The following GCNT2 variants were observed in gnomAD, a reference collection of about 807,000 sequenced individuals.
GCNT2 encodes the protein glucosaminyl (N-acetyl) transferase 2 (I blood group), also known as N-acetyllactosaminide beta-1,6-N-acetylglucosaminyl-transferase.
Under a neutral mutation model 34.2 loss-of-function variants are expected in GCNT2, and 34 were observed. The observed-to-expected ratio is 1.00, with a 90% CI of 0.76 to 1.32. The LOEUF is 1.32. Ranked by LOEUF, GCNT2 falls within the 40% of genes most tolerant of loss-of-function variation. GCNT2 has a pLI of 0.00. For synonymous variants in GCNT2, 212 were observed against 188.0 expected (o/e 1.13, Z -1.04); for missense variants, 584 against 489.4 (o/e 1.19, Z -1.82).
intron 3 of GCNT2, among the ~76,000 whole-genome samples, chr6:10,578,217 C>T (rs1197325163): frequency 6.6e-6 from 1 of 151,570 alleles, no homozygotes; most frequent in Non-Finnish European, 1.5e-5. Context: ...GTAGTGAAAC[C>T]CCGTGTCTAA....
intron 3 of GCNT2, chr6:10,586,335 G>A (rs1202158598): frequency 1.9e-6 from 3 of 1,614,020 alleles, no homozygotes; most frequent in Middle Eastern, 1.6e-4. Context: ...GCTCTTTAGG[G>A]CTATCTATAT....
chr6:10,562,446 G>A (rs950077446), intron 3 of GCNT2, among the ~76,000 whole-genome samples: 6 of 151,934 alleles, frequency 3.9e-5, no homozygotes, highest in African/African-American at 1.2e-4. Context: ...GGTTGGGCAC[G>A]GTGGCTCACA....
At chr6:10,540,775 G>C (rs1762005623) in intron 3 of GCNT2, among the ~76,000 whole-genome samples, 1 of 152,124 alleles carries the variant, frequency 6.6e-6, no homozygotes, top group Admixed American at 6.5e-5. Context: ...TTCAATTCTA[G>C]CTCAGCTTTT....
At chr6:10,532,888 T>C (rs1276355206) in intron 3 of GCNT2, among the ~76,000 whole-genome samples, 1 of 151,452 alleles carries the variant, frequency 6.6e-6, no homozygotes, top group African/African-American at 2.4e-5. Flanking sequence ...GTCCTTCTGG[T>C]TGATGTGTAT....
At chr6:10,567,749 ACT>A (rs1213813807) in intron 3 of GCNT2, among the ~76,000 whole-genome samples, 1 of 152,184 alleles carries the variant, frequency 6.6e-6, no homozygotes, top group Non-Finnish European at 1.5e-5. Flanking sequence ...GGAAGTTGTT[ACT>A]GAGAAAGGCA....
At chr6:10,528,371 G>GT (rs1407745938) in intron 2 of GCNT2, 3 of 172,864 alleles carry the variant, frequency 1.7e-5, no homozygotes, top group African/African-American at 7.2e-5. Context: ...TCTCCAGGCA[G>GT]TATTCACATG....
chr6:10,524,128 G>A (rs1273259861), intron 1 of GCNT2, among the ~76,000 whole-genome samples: 2 of 151,938 alleles, frequency 1.3e-5, no homozygotes, highest in African/African-American at 4.8e-5. Flanking sequence ...ACAAACGGGT[G>A]TTGTTTTCTC....
chr6:10,588,831 ATGTGTGTGGTG>A (rs558061009), intron 3 of GCNT2, among the ~76,000 whole-genome samples: 1,195 of 109,324 alleles, frequency 0.011, 18 homozygotes, highest in African/African-American at 0.038. Flanking sequence ...TTTGCAGTGT[ATGTGTGTGGTG>A]TGTGTGTGGT....
intron 3 of GCNT2, among the ~76,000 whole-genome samples, chr6:10,606,487 CACA>C (rs143538786): frequency 0.1 from 15,303 of 151,904 alleles, 1,279 homozygotes; most frequent in African/African-American, 0.23. Context: ...TGCAGCCTGC[CACA>C]ACAAATCAAA....
At position 10,529,312 on chromosome 6, in the gene GCNT2, A is replaced by T; in HGVS notation, c.401A>T (p.Asp134Val). ...GTGCACCTGGATCAGAAGGCGACGG[A>T]TGCCTTTAAAGGTGCAGTGAAACAG... is the stretch of plus-strand genomic sequence containing the variant. ...YCVHLDQKAT[D>V]AFKGAVKQLL... The change falls in exon 3 of 5, where the codon GAT becomes GTT. Residue 134 changes from aspartate (D) to valine (V), a missense_variant. Asp to Val is a radical substitution (Grantham distance 152). Transcript: ENST00000495262. 1 of 1,614,170 alleles carries T rather than the reference A, an allele frequency of 6.2e-7. No homozygotes were observed. The highest frequency in any genetic ancestry group is 1.1e-5 in the South Asian group (1 of 91,080).
chr6:10,625,277 C>A (rs995834559), intron 4 of GCNT2, among the ~76,000 whole-genome samples: 3 of 152,168 alleles, frequency 2.0e-5, no homozygotes, highest in African/African-American at 4.8e-5. Context: ...CAAAATTAAT[C>A]TTGCTAAAAT....
intron 3 of GCNT2, chr6:10,586,800 A>G (rs1764371467): frequency 6.2e-7 from 1 of 1,613,792 alleles, no homozygotes; most frequent in African/African-American, 1.3e-5. Context: ...GGCGCTTACC[A>G]GAGACTTTGT....
At chr6:10,590,934 A>G (rs1764613739) in intron 3 of GCNT2, among the ~76,000 whole-genome samples, 1 of 152,046 alleles carries the variant, frequency 6.6e-6, no homozygotes, top group African/African-American at 2.4e-5. Context: ...CTTCCTGTCT[A>G]ACTCTTCATC....
intron 3 of GCNT2, among the ~76,000 whole-genome samples, chr6:10,539,957 A>G (rs1761962536): frequency 6.6e-6 from 1 of 152,196 alleles, no homozygotes; most frequent in South Asian, 2.1e-4. Context: ...GCGTGCCGGT[A>G]GTCCCAGCTA....
At chr6:10,566,772 T>C (rs1460297404) in intron 3 of GCNT2, among the ~76,000 whole-genome samples, 1 of 152,240 alleles carries the variant, frequency 6.6e-6, no homozygotes, top group East Asian at 1.9e-4. Context: ...CTTAATTAAA[T>C]GCATGCACAC....
intron 3 of GCNT2, chr6:10,530,065 T>C: frequency 2.0e-6 from 1 of 507,602 alleles, no homozygotes. Flanking sequence ...ACACTGGCCA[T>C]ATAAATAAAA....
At chr6:10,586,256 G>A (rs369674837) in intron 3 of GCNT2, 156 of 1,614,038 alleles carry the variant, frequency 9.7e-5, no homozygotes, top group Non-Finnish European at 1.3e-4. Flanking sequence ...GTCCCCTGTC[G>A]GAAGAAGAGG....
intron 3 of GCNT2, among the ~76,000 whole-genome samples, chr6:10,617,320 C>G (rs1765819894): frequency 6.6e-6 from 1 of 152,314 alleles, no homozygotes; most frequent in Middle Eastern, 3.4e-3. Context: ...GTGCTGGGCG[C>G]CCCCAGCCCA....
At position 10,582,427 on chromosome 6, in the gene GCNT2, TA is replaced by T. The variant is rs1377017159; in HGVS notation, c.926-38923del. Among the ~76,000 whole-genome samples the T allele has an allele frequency of 2.7e-4, 34 of 126,298 alleles. 1 individual carries two copies. Among genetic ancestry groups the T allele is most frequent in the African/African-American group, 1.0e-3 (33 of 31,992 alleles). 82.9% of individuals were successfully genotyped at this position (126,298 alleles called of 152,430 possible). On this transcript the variant is annotated intron_variant, in intron 3 of 4. Coordinates refer to ENST00000495262, the MANE Select transcript of GCNT2 (RefSeq NM_145649.5). ...AAATAGTATAATATTTATTATATACTATAATTTAATATTTATTATATAATAT... is the reference window on the plus strand; with the variant it reads ...AAATAGTATAATATTTATTATATACTTAATTTAATATTTATTATATAATAT...
Sources: gnomAD v4.1 joint callset for allele counts (sites outside exome capture counted in the v4.1 genomes callset) on GRCh38, gnomAD v4.1.1 for gene constraint, MANE v1.5 for transcripts, NCBI Gene and HGNC (gene_info 2026-07-23, HGNC 2026-07-21) for gene names.